Variants in STK3 observed in about 807,000 individuals in gnomAD.
STK3 encodes serine/threonine-protein kinase 3.
Under a neutral mutation model 58.0 loss-of-function variants are expected in STK3, and 41 were observed. The ratio of observed to expected loss-of-function variants is 0.71; its 90% CI spans 0.55 to 0.92. STK3 has a LOEUF of 0.92. Ranked by LOEUF, STK3 falls within the 40% of genes least tolerant of loss-of-function variation. The probability of loss-of-function intolerance (pLI) is 0.00; values close to 1 mark genes in which losing one functional copy is unlikely to be tolerated. For missense variants in STK3, 479 were observed against 602.7 expected, an observed-to-expected ratio of 0.79 and a Z score of 2.15; for synonymous variants, 170 against 191.0, an observed-to-expected ratio of 0.89 and a Z score of 0.91.
intron 10 of STK3, among the ~76,000 whole-genome samples, chr8:98,485,517 T>G (rs140588958): frequency 1.3e-5 from 2 of 152,312 alleles, no homozygotes; most frequent in Non-Finnish European, 2.9e-5. Context: ...AATTTGAAAG[T>G]AGCACACAGA....
chr8:98,566,674 G>A (rs189204224), intron 8 of STK3, among the ~76,000 whole-genome samples: 81 of 152,196 alleles, frequency 5.3e-4, no homozygotes, highest in Middle Eastern at 3.4e-3. Context: ...ACTGCTTAAG[G>A]ACCAATCCAG....
intron 1 of STK3, among the ~76,000 whole-genome samples, chr8:98,790,503 C>A (rs915955184): frequency 6.6e-6 from 1 of 152,182 alleles, no homozygotes; most frequent in Non-Finnish European, 1.5e-5. Context: ...AATCAGCATA[C>A]AAGGGACATA....
chr8:98,701,958 A>G (rs1825658685), intron 6 of STK3, among the ~76,000 whole-genome samples: 1 of 152,198 alleles, frequency 6.6e-6, no homozygotes, highest in African/African-American at 2.4e-5. Context: ...AGCTGAATAT[A>G]AATTTATAAG....
At chr8:98,585,209 T>C (rs1190397778) in intron 7 of STK3, among the ~76,000 whole-genome samples, 1 of 151,750 alleles carries the variant, frequency 6.6e-6, no homozygotes, top group East Asian at 1.9e-4. Context: ...GGTTTTCTTC[T>C]AGGGTTTTTA....
chr8:98,936,574 C>CCAGGCCATATGGCTTGA (rs1840205190), intron 1 of STK3, among the ~76,000 whole-genome samples: 1 of 152,190 alleles, frequency 6.6e-6, no homozygotes, highest in Admixed American at 6.5e-5. Context: ...CAGGTCACTC[C>CCAGGCCATATGGCTTGA]CAGGCCATAT....
chr8:98,345,941 A>G, the STK3 span, among the ~76,000 whole-genome samples: 1 of 152,080 alleles, frequency 6.6e-6, no homozygotes, highest in Non-Finnish European at 1.5e-5. Context: ...AGATCGAGGT[A>G]TAGAAACTAC....
chr8:98,693,796 CAA>C (rs1258918986), intron 6 of STK3, among the ~76,000 whole-genome samples: 1 of 152,140 alleles, frequency 6.6e-6, no homozygotes, highest in African/African-American at 2.4e-5. Flanking sequence ...TGGTATTACT[CAA>C]GTCTCACCAC....
intron 6 of STK3, among the ~76,000 whole-genome samples, chr8:98,654,002 A>T (rs1260701574): frequency 6.6e-6 from 1 of 152,214 alleles, no homozygotes; most frequent in African/African-American, 2.4e-5. Flanking sequence ...CATCATCCTG[A>T]TACCAAAGCC....
At position 98,490,025 on chromosome 8, in the gene STK3, T is replaced by C. The variant is rs375081114; in HGVS notation, c.1318-34025A>G. Among the ~76,000 whole-genome samples the C allele has an allele frequency of 1.5e-3, 225 of 152,310 alleles. 1 individual carries two copies. Among genetic ancestry groups the C allele is most frequent in the African/African-American group, 5.1e-3 (214 of 41,584 alleles). On this transcript the variant is annotated intron_variant, in intron 10 of 10. Coordinates refer to ENST00000419617, the MANE Select transcript of STK3 (RefSeq NM_006281.4). ...CCCCATTATTCCCACAAATATGAGA[T>C]GTTTCCCCATTTCTTAAACTGTTTT...
chr8:98,568,043 G>A (rs1017766632), intron 8 of STK3, among the ~76,000 whole-genome samples: 8 of 151,502 alleles, frequency 5.3e-5, no homozygotes. Context: ...GAGCAGCAGA[G>A]TGAGACTGTC....
At chr8:98,873,163 T>C (rs1383834545) in intron 3 of STK3, among the ~76,000 whole-genome samples, 3 of 152,214 alleles carry the variant, frequency 2.0e-5, no homozygotes, top group Non-Finnish European at 4.4e-5. Flanking sequence ...GTGAGTTTCT[T>C]AATCCTGAGT....
At chr8:98,481,090 A>C (rs1395972446) in intron 10 of STK3, among the ~76,000 whole-genome samples, 1 of 152,092 alleles carries the variant, frequency 6.6e-6, no homozygotes, top group Non-Finnish European at 1.5e-5. Context: ...CAGGATATTA[A>C]CTGTATCTTT....
chr8:98,658,678 C>G (rs1344823384), intron 6 of STK3, among the ~76,000 whole-genome samples: 2 of 151,980 alleles, frequency 1.3e-5, no homozygotes, highest in Non-Finnish European at 2.9e-5. Flanking sequence ...TTTCTTCCCT[C>G]TCACCACCAG....
chr8:98,830,343 C>G (rs1295977498), upstream of STK3, among the ~76,000 whole-genome samples: 1 of 152,122 alleles, frequency 6.6e-6, no homozygotes. Context: ...CAGAGCCATG[C>G]AGATAGCATG....
chr8:98,482,275 A>G (rs1035363009), intron 10 of STK3, among the ~76,000 whole-genome samples: 7 of 152,244 alleles, frequency 4.6e-5, no homozygotes, highest in African/African-American at 1.7e-4. Flanking sequence ...AAAGGCTGTG[A>G]TTCCTAAGAA....
intron 3 of STK3, among the ~76,000 whole-genome samples, chr8:98,404,601 A>C (rs1006123830): frequency 6.9e-6 from 1 of 145,610 alleles, no homozygotes; most frequent in Non-Finnish European, 1.5e-5. Context: ...AATGGCGTGA[A>C]CCCGGGAGGC....
At chr8:98,448,221 T>C (rs571311762) in intron 1 of STK3, among the ~76,000 whole-genome samples, 2 of 152,298 alleles carry the variant, frequency 1.3e-5, no homozygotes, top group South Asian at 2.1e-4. Context: ...ATGCTAAGCA[T>C]GCAAACTGAT....
Position 98,406,116 on chromosome 8 carries a change from G to T in STK3, n.484-4603C>A, listed in dbSNP as rs556675230. Among the ~76,000 whole-genome samples the T allele has an allele frequency of 5.7e-4, 86 of 152,210 alleles. 1 individual carries two copies. The Middle Eastern group carries it at 0.027, about 48-fold the overall frequency. On this transcript the variant is annotated intron_variant and non_coding_transcript_variant, in intron 3 of 3. Transcript: ENST00000517832. ...TTCCAAAGTAGACTGGGTGCTATGG[G>T]CAACCAAGGATGTATCTTCATTCTC...
At chr8:98,726,591 A>G (rs568615956) in intron 4 of STK3, among the ~76,000 whole-genome samples, 13 of 152,328 alleles carry the variant, frequency 8.5e-5, no homozygotes, top group African/African-American at 3.1e-4. Flanking sequence ...ATCACTTTCT[A>G]CACAAAAGAA....
Sources: allele counts gnomAD v4.1 joint callset (sites outside exome capture counted in the v4.1 genomes callset), GRCh38; gene constraint gnomAD v4.1.1; transcripts MANE v1.5; gene names NCBI Gene and HGNC (gene_info 2026-07-23, HGNC 2026-07-21).